Variants in APBB2 observed in about 807,000 individuals in gnomAD.
APBB2 encodes the protein Fe65-like 1.
APBB2 carries 38 observed loss-of-function variants against 82.5 expected under a neutral mutation model. That is an observed-to-expected ratio of 0.46 (90% CI 0.36 to 0.60). The LOEUF is 0.60. APBB2 is among the 20% of genes least tolerant of loss of function. APBB2 has a pLI of 0.00. For synonymous variants in APBB2, 341 were observed against 368.2 expected, an observed-to-expected ratio of 0.93 and a Z score of 0.85; for missense variants, 772 against 972.3, an observed-to-expected ratio of 0.79 and a Z score of 2.74.
intron 6 of APBB2, among the ~76,000 whole-genome samples, chr4:40,951,128 G>A (rs1790022380): frequency 6.6e-6 from 1 of 152,216 alleles, no homozygotes; most frequent in African/African-American, 2.4e-5. Flanking sequence ...GAGTGGGGGA[G>A]AGACAGTGAA....
At chr4:41,164,351 G>A (rs879208436) in intron 1 of APBB2, among the ~76,000 whole-genome samples, 12 of 152,178 alleles carry the variant, frequency 7.9e-5, no homozygotes, top group Non-Finnish European at 1.3e-4. Context: ...GAGATAAAAC[G>A]TAAGCAGTGT....
chr4:41,137,735 A>G (rs1757973863), intron 2 of APBB2, among the ~76,000 whole-genome samples: 3 of 152,194 alleles, frequency 2.0e-5, no homozygotes, highest in Non-Finnish European at 4.4e-5. Context: ...ATTTTCTACA[A>G]AAAAAGTCAA....
At chr4:40,975,140 T>A (rs1796831824) in intron 6 of APBB2, among the ~76,000 whole-genome samples, 1 of 152,164 alleles carries the variant, frequency 6.6e-6, no homozygotes, top group Non-Finnish European at 1.5e-5. Context: ...TTCTATCAGC[T>A]TATTTTTTCT....
At chr4:41,094,132 G>A (rs1303622292) in intron 3 of APBB2, among the ~76,000 whole-genome samples, 3 of 152,070 alleles carry the variant, frequency 2.0e-5, no homozygotes, top group African/African-American at 7.2e-5. Flanking sequence ...AAAATAAGAA[G>A]AAGAAAAAAA....
At chr4:41,191,855 G>C (rs1389327454) in intron 1 of APBB2, among the ~76,000 whole-genome samples, 4 of 152,062 alleles carry the variant, frequency 2.6e-5, no homozygotes, top group Admixed American at 2.6e-4. Flanking sequence ...ATGAGACTGG[G>C]AAAAAGCATT....
chr4:41,088,352 T>C (rs904162235), intron 3 of APBB2, among the ~76,000 whole-genome samples: 1 of 152,240 alleles, frequency 6.6e-6, no homozygotes, highest in Non-Finnish European at 1.5e-5. Context: ...CTATGGTTTA[T>C]CAACTCACCC....
chr4:40,848,916 G>A (rs1758468321), intron 12 of APBB2: 1 of 985,196 alleles, frequency 1.0e-6, no homozygotes, highest in Non-Finnish European at 1.2e-6. Flanking sequence ...GCCATCTGAA[G>A]CTACCCTATT....
chr4:40,877,536 C>T (rs1187762374), intron 12 of APBB2, among the ~76,000 whole-genome samples: 1 of 152,176 alleles, frequency 6.6e-6, no homozygotes, highest in Admixed American at 6.5e-5. Context: ...AACTAAATCT[C>T]TATTTCACAG....
intron 6 of APBB2, among the ~76,000 whole-genome samples, chr4:40,970,304 C>T (rs1249215922): frequency 6.6e-6 from 1 of 152,132 alleles, no homozygotes; most frequent in Non-Finnish European, 1.5e-5. Context: ...TTGACTTAAA[C>T]GTTTATGAAC....
In APBB2 at chr4:41,176,614, G is replaced by A. The variant is rs376469340; in HGVS notation, c.-416-33472C>T. On this transcript the variant is annotated intron_variant, in intron 1 of 17. Transcript: ENST00000508593. ...ACAAAAAATGTCAGTAATTCTGGCC[G>A]TAAACCAAAGTAATCCAAAACCATG... 3.4e-4 allele frequency among the ~76,000 whole-genome samples: 52 copies of A among 152,212 alleles called. 1 individual carries two copies. The highest frequency in any genetic ancestry group is 6.8e-3 in the Middle Eastern group (2 of 294).
intron 1 of APBB2, among the ~76,000 whole-genome samples, chr4:41,194,953 AC>A: frequency 6.6e-6 from 1 of 152,090 alleles, no homozygotes; most frequent in African/African-American, 2.4e-5. Context: ...TTTAGATCTG[AC>A]CCAGCAGATC....
At chr4:40,872,366 A>G (rs1471967430) in intron 12 of APBB2, among the ~76,000 whole-genome samples, 1 of 152,258 alleles carries the variant, frequency 6.6e-6, no homozygotes, top group Non-Finnish European at 1.5e-5. Flanking sequence ...AAAGGCTAAC[A>G]GAACAGGTGG....
At chr4:41,075,519 T>C (rs773330991) in intron 3 of APBB2, among the ~76,000 whole-genome samples, 1 of 152,348 alleles carries the variant, frequency 6.6e-6, no homozygotes, top group Admixed American at 6.5e-5. Flanking sequence ...ACATTATTCA[T>C]GGAATCTACA....
At chr4:41,006,939 C>T (rs1283570674) in intron 6 of APBB2, among the ~76,000 whole-genome samples, 1 of 152,178 alleles carries the variant, frequency 6.6e-6, no homozygotes, top group Non-Finnish European at 1.5e-5. Flanking sequence ...AGAGGTGCTG[C>T]CAGTTGTGTT....
chr4:40,837,785 T>C (rs760367304), intron 12 of APBB2, among the ~76,000 whole-genome samples: 1 of 152,204 alleles, frequency 6.6e-6, no homozygotes, highest in Non-Finnish European at 1.5e-5. Flanking sequence ...GGAAGGGTTA[T>C]AGCTATAGTT....
chr4:41,049,534 C>G (rs1377358585), intron 4 of APBB2, among the ~76,000 whole-genome samples: 1 of 147,818 alleles, frequency 6.8e-6, no homozygotes, highest in African/African-American at 2.6e-5. Flanking sequence ...CCCGGCCAGC[C>G]GCCCCGTCCG....
chr4:41,041,890 A>AT (rs1390665061), intron 4 of APBB2, among the ~76,000 whole-genome samples: 2 of 152,220 alleles, frequency 1.3e-5, no homozygotes, highest in Non-Finnish European at 2.9e-5. Flanking sequence ...TTAAATGTAG[A>AT]TTTTTCCATT....
intron 1 of APBB2, among the ~76,000 whole-genome samples, chr4:41,165,192 G>A (rs541646367): frequency 5.5e-5 from 8 of 146,584 alleles, no homozygotes; most frequent in Admixed American, 3.3e-4. Flanking sequence ...CCATTGTAGC[G>A]GTGTAGCAAG....
intron 6 of APBB2, among the ~76,000 whole-genome samples, chr4:40,964,731 G>A (rs917380370): frequency 4.7e-5 from 2 of 42,874 alleles, no homozygotes; most frequent in Non-Finnish European, 5.9e-5. Flanking sequence ...CACAGTACAC[G>A]GGGGAAAATA....
Sources: gnomAD v4.1 joint callset for allele counts (sites outside exome capture counted in the v4.1 genomes callset) on GRCh38, gnomAD v4.1.1 for gene constraint, MANE v1.5 for transcripts, NCBI Gene and HGNC (gene_info 2026-07-23, HGNC 2026-07-21) for gene names.